The following CSNK1G1 variants were observed in gnomAD, a reference collection of about 807,000 sequenced individuals.
CSNK1G1 encodes the protein casein kinase 1 gamma 1.
In CSNK1G1, 22 loss-of-function variants were observed where a neutral mutation model predicts 59.6. That is an observed-to-expected ratio of 0.37 (90% CI 0.26 to 0.53). CSNK1G1 has a LOEUF of 0.53. Among genes scored for constraint, CSNK1G1 ranks in the 20% least tolerant of loss-of-function variants. The pLI is 0.89. For missense variants in CSNK1G1, 384 were observed against 519.5 expected, an observed-to-expected ratio of 0.74 and a Z score of 2.54; for synonymous variants, 179 against 177.1, an observed-to-expected ratio of 1.01 and a Z score of -0.08.
chr15:64,327,955 G>T (rs548314022), intron 1 of CSNK1G1, among the ~76,000 whole-genome samples: 9 of 34,420 alleles, frequency 2.6e-4, no homozygotes, highest in Admixed American at 3.1e-4. Flanking sequence ...GAAATGAAGC[G>T]AGAAGGGAAG....
At chr15:64,178,867 G>A (rs773498860) in intron 11 of CSNK1G1, among the ~76,000 whole-genome samples, 10 of 151,890 alleles carry the variant, frequency 6.6e-5, no homozygotes, top group Non-Finnish European at 1.0e-4. Flanking sequence ...ACTGCAGCCT[G>A]AACCTTCCAA....
At chr15:64,343,234 C>CACACACAT (rs1327910388) in intron 1 of CSNK1G1, among the ~76,000 whole-genome samples, 1 of 151,746 alleles carries the variant, frequency 6.6e-6, no homozygotes, top group African/African-American at 2.4e-5. Flanking sequence ...CACACACACA[C>CACACACAT]ACCTCTTCTA....
intron 2 of CSNK1G1, among the ~76,000 whole-genome samples, chr15:64,297,811 G>A (rs1895109941): frequency 6.6e-6 from 1 of 152,126 alleles, no homozygotes; most frequent in African/African-American, 2.4e-5. Flanking sequence ...CCATGATGTA[G>A]GCTGACTGCA....
At chr15:64,271,842 T>C (rs907004495) in intron 2 of CSNK1G1, among the ~76,000 whole-genome samples, 1 of 152,184 alleles carries the variant, frequency 6.6e-6, no homozygotes, top group Non-Finnish European at 1.5e-5. Flanking sequence ...AATCATCTGT[T>C]TGATACTGTC....
chr15:64,238,463 A>G, intron 4 of CSNK1G1, among the ~76,000 whole-genome samples: 1 of 135,416 alleles, frequency 7.4e-6, no homozygotes. Context: ...ACTACACTCC[A>G]GCCTGGGTGA....
intron 1 of CSNK1G1, among the ~76,000 whole-genome samples, chr15:64,339,764 T>C (rs1010458875): frequency 3.3e-5 from 5 of 152,204 alleles, no homozygotes; most frequent in Non-Finnish European, 7.3e-5. Flanking sequence ...AGAGGACAAA[T>C]TGCACAAGGC....
chr15:64,203,754 C>G (rs1025372187), intron 9 of CSNK1G1, among the ~76,000 whole-genome samples: 2 of 150,076 alleles, frequency 1.3e-5, no homozygotes, highest in Non-Finnish European at 3.0e-5. Context: ...GCCCTGTGAA[C>G]CCCTGACCAG....
chr15:64,329,840 G>A (rs1258615038), intron 1 of CSNK1G1, among the ~76,000 whole-genome samples: 1 of 87,968 alleles, frequency 1.1e-5, no homozygotes, highest in Non-Finnish European at 2.2e-5. Context: ...TGATAAAGGG[G>A]ATATCACCAC....
chr15:64,239,671 T>G (rs568405980), intron 4 of CSNK1G1, among the ~76,000 whole-genome samples: 1 of 152,284 alleles, frequency 6.6e-6, no homozygotes, highest in Admixed American at 6.5e-5. Context: ...AAGTCACCCA[T>G]GCCTGACCTA....
chr15:64,170,270 T>G lies in CSNK1G1; in HGVS notation c.*1661A>C, dbSNP rs1195586603. On this transcript the variant is annotated 3_prime_UTR_variant, in exon 12 of 12. Coordinates refer to ENST00000303052, the MANE Select transcript of CSNK1G1 (RefSeq NM_022048.5). ...GAACCAGATCCTTCACAGTAGTACC[T>G]CATATGAAAACACCATGGGGGGAGG... is the stretch of plus-strand genomic sequence containing the variant. 1 of 152,178 alleles carries G rather than the reference T, an allele frequency of 6.6e-6. No homozygotes were observed. The highest frequency in any genetic ancestry group is 1.5e-5 in the Non-Finnish European group (1 of 68,038). The allele number at this position is 152,178 out of a possible 1,614,324, so 9.4% of individuals were successfully genotyped here. A position where few individuals can be genotyped will look rare whatever the true frequency, so the allele number is the denominator to read the frequency against.
chr15:64,287,333 A>C (rs1257995999), intron 2 of CSNK1G1, among the ~76,000 whole-genome samples: 1 of 152,144 alleles, frequency 6.6e-6, no homozygotes, highest in Admixed American at 6.5e-5. Flanking sequence ...AAGTTACTCA[A>C]AGTTACCATA....
chr15:64,255,268 G>C (rs947899762), intron 3 of CSNK1G1, among the ~76,000 whole-genome samples: 2 of 148,324 alleles, frequency 1.3e-5, no homozygotes, highest in African/African-American at 5.3e-5. Flanking sequence ...GTAGAGACGA[G>C]GTTTTACCAT....
intron 6 of CSNK1G1, 22 bp downstream of exon 6, chr15:64,213,868 C>G: frequency 6.6e-7 from 1 of 1,506,432 alleles, no homozygotes; most frequent in Non-Finnish European, 9.2e-7. Flanking sequence ...TCGCCCCTTT[C>G]ATGGAACAGA....
At chr15:64,222,370 A>G (rs1316767094) in intron 4 of CSNK1G1, among the ~76,000 whole-genome samples, 2 of 149,110 alleles carry the variant, frequency 1.3e-5, no homozygotes, top group African/African-American at 2.5e-5. Flanking sequence ...AAACCTGCAC[A>G]TTCTGCACAT....
chr15:64,215,369 C>A (rs971060890), intron 5 of CSNK1G1, among the ~76,000 whole-genome samples: 2 of 151,928 alleles, frequency 1.3e-5, no homozygotes, highest in Non-Finnish European at 2.9e-5. Context: ...CTCGCCACCA[C>A]GCCCAGCTAA....
At chr15:64,190,873 TTTA>T (rs2081961357) in intron 10 of CSNK1G1, among the ~76,000 whole-genome samples, 1 of 152,194 alleles carries the variant, frequency 6.6e-6, no homozygotes, top group South Asian at 2.1e-4. Context: ...TCTAGAACTT[TTTA>T]TTTTTTGTAA....
chr15:64,305,927 A>T (rs930221068), intron 1 of CSNK1G1, among the ~76,000 whole-genome samples: 8 of 152,290 alleles, frequency 5.3e-5, no homozygotes, highest in African/African-American at 1.9e-4. Flanking sequence ...GAACAATTAG[A>T]CATATATTTG....
At chr15:64,258,199 T>C (rs1892495231) in intron 3 of CSNK1G1, among the ~76,000 whole-genome samples, 1 of 151,968 alleles carries the variant, frequency 6.6e-6, no homozygotes, top group South Asian at 2.1e-4. Flanking sequence ...GGCAACATGA[T>C]GAAATCCCAT....
At chr15:64,219,701 C>G (rs1158736501) in intron 4 of CSNK1G1, among the ~76,000 whole-genome samples, 1 of 152,100 alleles carries the variant, frequency 6.6e-6, no homozygotes, top group Non-Finnish European at 1.5e-5. Context: ...CTCAACTGAT[C>G]CTCCTGCTTT....
Sources: allele counts gnomAD v4.1 joint callset (sites outside exome capture counted in the v4.1 genomes callset), GRCh38; gene constraint gnomAD v4.1.1; transcripts MANE v1.5; gene names NCBI Gene and HGNC (gene_info 2026-07-23, HGNC 2026-07-21).